TBC1D31: variants seen among roughly 807,000 people sequenced by gnomAD.
The protein encoded by TBC1D31 is WD repeat domain 67.
TBC1D31 carries 99 observed loss-of-function variants against 132.9 expected under a neutral mutation model. The ratio of observed to expected loss-of-function variants is 0.74; its 90% CI spans 0.63 to 0.88. The LOEUF (loss-of-function observed/expected upper bound fraction) is 0.88. Among genes scored for constraint, TBC1D31 ranks in the 40% least tolerant of loss-of-function variants. TBC1D31 has a pLI of 0.00. For missense variants in TBC1D31, 1,134 were observed against 1,256.6 expected (o/e 0.90, Z 1.48); for synonymous variants, 385 against 419.4 (o/e 0.92, Z 1.00).
intron 8 of TBC1D31, among the ~76,000 whole-genome samples, chr8:123,108,862 A>C (rs1818190043): frequency 6.6e-6 from 1 of 152,142 alleles, no homozygotes; most frequent in Non-Finnish European, 1.5e-5. Flanking sequence ...AAGGCAGCAG[A>C]AGGAGAGAGA....
chr8:123,077,529 G>A (rs1563663673), intron 2 of TBC1D31, among the ~76,000 whole-genome samples: 1 of 141,802 alleles, frequency 7.1e-6, no homozygotes, highest in South Asian at 2.2e-4. Context: ...ATTTATTATT[G>A]CTAATTTTTT....
chr8:123,073,126 T>C, intron 1 of TBC1D31: 1 of 537,334 alleles, frequency 1.9e-6, no homozygotes, highest in Non-Finnish European at 3.4e-6. Context: ...GTACCGGGAC[T>C]CTCCTGCTTT....
At chr8:123,078,951 G>A (rs1278381681) in intron 2 of TBC1D31, among the ~76,000 whole-genome samples, 1 of 152,138 alleles carries the variant, frequency 6.6e-6, no homozygotes, top group Non-Finnish European at 1.5e-5. Context: ...AACTAGTAGT[G>A]GAATGAATCA....
intron 7 of TBC1D31, 51 bp from the exon 8 acceptor site, chr8:123,105,237 G>A: frequency 2.3e-6 from 3 of 1,321,746 alleles, no homozygotes; most frequent in Non-Finnish European, 3.0e-6. Flanking sequence ...TAACAGGCCT[G>A]TCTTCCAAGG....
intron 4 of TBC1D31, among the ~76,000 whole-genome samples, chr8:123,092,613 AAT>A (rs1009414888): frequency 1.7e-4 from 26 of 152,124 alleles, no homozygotes; most frequent in African/African-American, 6.3e-4. Context: ...TTGTGGGAGT[AAT>A]ATATATAGAC....
chr8:123,112,587 G>A (rs890487139), intron 10 of TBC1D31, among the ~76,000 whole-genome samples: 2 of 152,054 alleles, frequency 1.3e-5, no homozygotes, highest in African/African-American at 4.8e-5. Context: ...TTTTATACCT[G>A]CATTATGCAC....
In TBC1D31 at chr8:123,134,218, T is replaced by G; in HGVS notation, c.2499+12T>G. On this transcript the variant is annotated intron_variant, in intron 17 of 21. Transcript: ENST00000287380. Reference sequence around the variant, plus strand: ...GACTTTATGAGAAGGTATAATTCAGTTATTTCCAACATAAGAAAAGCAGGT... The same window carrying G: ...GACTTTATGAGAAGGTATAATTCAGGTATTTCCAACATAAGAAAAGCAGGT... 1 of 1,610,000 alleles carries G rather than the reference T, an allele frequency of 6.2e-7. No homozygotes were observed. Among genetic ancestry groups the G allele is most frequent in the African/African-American group, 1.3e-5 (1 of 74,936 alleles).
intron 2 of TBC1D31, among the ~76,000 whole-genome samples, chr8:123,078,219 T>C (rs1326603829): frequency 6.6e-6 from 1 of 152,148 alleles, no homozygotes; most frequent in Non-Finnish European, 1.5e-5. Context: ...GGTGTCTGCA[T>C]AGCGAATGGG....
At chr8:123,146,705 G>C (rs1822245473) in intron 20 of TBC1D31, among the ~76,000 whole-genome samples, 1 of 148,596 alleles carries the variant, frequency 6.7e-6, no homozygotes, top group African/African-American at 2.5e-5. Flanking sequence ...TTTTTTTAAA[G>C]ACAGAACTTC....
intron 6 of TBC1D31, among the ~76,000 whole-genome samples, chr8:123,099,244 C>G (rs368054269): frequency 1.1e-3 from 174 of 152,142 alleles, no homozygotes; most frequent in African/African-American, 3.5e-3. Flanking sequence ...CTCAGCCTCC[C>G]GAGTAGCTGG....
chr8:123,098,093 G>A (rs546808308), intron 6 of TBC1D31, among the ~76,000 whole-genome samples: 191 of 152,178 alleles, frequency 1.3e-3, no homozygotes, highest in African/African-American at 4.4e-3. Context: ...ACATATGCAT[G>A]TATGTATATA....
At chr8:123,086,799 A>T (rs533660842) in intron 4 of TBC1D31, among the ~76,000 whole-genome samples, 1 of 151,670 alleles carries the variant, frequency 6.6e-6, no homozygotes, top group African/African-American at 2.4e-5. Flanking sequence ...AGCTCGCTAC[A>T]ACCTCTGCCT....
At chr8:123,072,982 G>A in intron 1 of TBC1D31, 136 bp downstream of exon 1, 2 of 835,160 alleles carry the variant, frequency 2.4e-6, no homozygotes, top group Non-Finnish European at 3.8e-6. Flanking sequence ...ACCTGCGGTG[G>A]AACAGATGGC....
intron 2 of TBC1D31, among the ~76,000 whole-genome samples, chr8:123,080,067 C>T (rs1814975653): frequency 6.6e-6 from 1 of 152,132 alleles, no homozygotes; most frequent in Admixed American, 6.5e-5. Flanking sequence ...GATAGATTAA[C>T]AAGAGAAGAA....
chr8:123,105,703 T>C (rs1030034712), intron 8 of TBC1D31, among the ~76,000 whole-genome samples: 1 of 152,206 alleles, frequency 6.6e-6, no homozygotes, highest in Admixed American at 6.5e-5. Flanking sequence ...CCCAGCCATA[T>C]GGCAGCTTTG....
intron 19 of TBC1D31, among the ~76,000 whole-genome samples, chr8:123,143,583 G>C (rs1027377530): frequency 6.6e-6 from 1 of 152,156 alleles, no homozygotes; most frequent in Non-Finnish European, 1.5e-5. Flanking sequence ...CTCTGTTGCT[G>C]TATCACAATG....
intron 7 of TBC1D31, 91 bp downstream of exon 7, chr8:123,101,098 C>A: frequency 1.0e-6 from 1 of 993,216 alleles, no homozygotes; most frequent in Non-Finnish European, 1.5e-6. Flanking sequence ...CTATTTCTAA[C>A]TTACCTGGAA....
At position 123,142,348 on chromosome 8, in the gene TBC1D31, T is replaced by A. The variant is rs760910075; in HGVS notation, c.2727T>A (p.Asp909Glu). The A allele has an allele frequency of 4.3e-6, 7 of 1,610,842 alleles. 1 individual carries two copies. In the South Asian group the frequency reaches 7.8e-5, roughly 18 times the overall value. Reference sequence around the variant, plus strand: ...AGTCTTTACATAAACAAAAATGTGATGATCTACAACGAAACAAATGTTACC... The same window carrying A: ...AGTCTTTACATAAACAAAAATGTGAAGATCTACAACGAAACAAATGTTACC... ...QIQSLHKQKC[D>E]DLQRNKCYQE... is the part of the protein sequence containing the mutation. Residue 909 changes from aspartate (D) to glutamate (E), a missense_variant, in exon 19 of 22, where the codon GAT becomes GAA. Transcript: ENST00000287380.
intron 6 of TBC1D31, 36 bp from the exon 7 acceptor site, chr8:123,100,771 A>G (rs1482694754): frequency 5.9e-6 from 9 of 1,525,622 alleles, no homozygotes; most frequent in Non-Finnish European, 8.2e-6. Context: ...ATTGACTATC[A>G]CATGTTTTTA....
Sources: gnomAD v4.1 joint callset for allele counts (sites outside exome capture counted in the v4.1 genomes callset) on GRCh38, gnomAD v4.1.1 for gene constraint, MANE v1.5 for transcripts, NCBI Gene and HGNC (gene_info 2026-07-23, HGNC 2026-07-21) for gene names.